ARHGEF28: variants seen among roughly 807,000 people sequenced by gnomAD.
ARHGEF28 encodes the protein 190 kDa guanine nucleotide exchange factor.
Under a neutral mutation model 206.6 loss-of-function variants are expected in ARHGEF28, and 152 were observed. The ratio of observed to expected loss-of-function variants is 0.74; its 90% CI spans 0.64 to 0.84. The LOEUF (loss-of-function observed/expected upper bound fraction) is 0.84. ARHGEF28 is among the 40% of genes least tolerant of loss of function. The pLI is 0.00. For missense variants in ARHGEF28, 2,028 were observed against 2,073.2 expected, an observed-to-expected ratio of 0.98 and a Z score of 0.42; for synonymous variants, 763 against 776.4, an observed-to-expected ratio of 0.98 and a Z score of 0.29.
chr5:73,748,501 C>T (rs1244840232), intron 2 of ARHGEF28, among the ~76,000 whole-genome samples: 1 of 152,138 alleles, frequency 6.6e-6, no homozygotes, highest in African/African-American at 2.4e-5. Flanking sequence ...AAACCCTACA[C>T]CGATTTTGTT....
intron 7 of ARHGEF28, among the ~76,000 whole-genome samples, chr5:73,780,961 G>C (rs1221309723): frequency 6.6e-6 from 1 of 152,174 alleles, no homozygotes; most frequent in African/African-American, 2.4e-5. Context: ...AATGTCCTGA[G>C]TGCTGTTTGC....
chr5:73,809,204 C>CAAAA (rs140757151), intron 9 of ARHGEF28, among the ~76,000 whole-genome samples: 1 of 140,330 alleles, frequency 7.1e-6, no homozygotes, highest in African/African-American at 2.5e-5. Context: ...GACTCTGTCT[C>CAAAA]AAAAAAAAAA....
chr5:73,878,919 C>T lies in ARHGEF28; in HGVS notation c.2815-3553C>T, dbSNP rs146206460. Among the ~76,000 whole-genome samples the T allele has an allele frequency of 2.8e-3, 419 of 152,156 alleles. 11 individuals carry two copies. The East Asian group carries it at 0.072, about 26-fold the overall frequency. On this transcript the variant is annotated intron_variant, in intron 22 of 35. Transcript: ENST00000513042. ...TTATGTGTCTTGGAGTTGGTCTTCT[C>T]GAGGAGTACCTTTGTGGCGTTCTCT... is the stretch of plus-strand genomic sequence containing the variant.
intron 33 of ARHGEF28, among the ~76,000 whole-genome samples, chr5:73,906,785 T>A (rs1762582054): frequency 6.6e-6 from 1 of 150,574 alleles, no homozygotes; most frequent in Admixed American, 6.6e-5. Context: ...TTGTGAATAA[T>A]TTTTTTTTTC....
At chr5:73,692,148 G>A (rs1215753097) in intron 2 of ARHGEF28, among the ~76,000 whole-genome samples, 1 of 152,156 alleles carries the variant, frequency 6.6e-6, no homozygotes, top group African/African-American at 2.4e-5. Context: ...GATTAAGTTG[G>A]TGAAGGGTTA....
chr5:73,926,490 C>A (rs774811853), intron 35 of ARHGEF28, among the ~76,000 whole-genome samples: 2 of 150,900 alleles, frequency 1.3e-5, no homozygotes, highest in Admixed American at 6.6e-5. Flanking sequence ...CCTTTTTCAT[C>A]CCCCCCTACC....
intron 21 of ARHGEF28, among the ~76,000 whole-genome samples, chr5:73,870,483 A>C (rs1377653127): frequency 2.0e-5 from 3 of 152,220 alleles, no homozygotes; most frequent in Non-Finnish European, 4.4e-5. Flanking sequence ...ATGAGGCATA[A>C]TATGTACCTG....
At chr5:73,665,693 A>G (rs1745906850) in intron 1 of ARHGEF28, among the ~76,000 whole-genome samples, 2 of 152,242 alleles carry the variant, frequency 1.3e-5, no homozygotes, top group South Asian at 4.1e-4. Context: ...AAACCCTCTC[A>G]TGATAATAAA....
At chr5:73,794,343 T>C (rs1241030612) in intron 7 of ARHGEF28, 59 bp from the exon 8 acceptor site, 5 of 1,417,776 alleles carry the variant, frequency 3.5e-6, no homozygotes, top group Non-Finnish European at 4.9e-6. Context: ...AGCTAGTAGT[T>C]GTTGTTCTTC....
intron 2 of ARHGEF28, among the ~76,000 whole-genome samples, chr5:73,710,220 A>G (rs1443438649): frequency 1.3e-5 from 2 of 152,172 alleles, no homozygotes; most frequent in Admixed American, 6.5e-5. Flanking sequence ...AGCATGTTGT[A>G]TTATCAGTTG....
chr5:73,756,653 T>C (rs146363317), intron 4 of ARHGEF28, among the ~76,000 whole-genome samples: 1,633 of 152,300 alleles, frequency 0.011, 13 homozygotes, highest in Non-Finnish European at 0.015. Flanking sequence ...CATATATGGA[T>C]ATTGGCTAAG....
At chr5:73,832,770 C>G (rs1322303305) in intron 10 of ARHGEF28, among the ~76,000 whole-genome samples, 2 of 152,132 alleles carry the variant, frequency 1.3e-5, no homozygotes, top group African/African-American at 2.4e-5. Context: ...ACCAATGTCT[C>G]CTCTACAGCT....
intron 31 of ARHGEF28, chr5:73,903,751 G>A (rs1288537762): frequency 1.2e-5 from 2 of 164,066 alleles, no homozygotes; most frequent in Admixed American, 5.8e-5. Context: ...TGCTGTATAT[G>A]TTGATATCGT....
rs560055770 is a variant in ARHGEF28, at chr5:73,838,491, T to C, written c.1147-1989T>C. Among the ~76,000 whole-genome samples, 8 of 152,318 alleles carry C rather than the reference T, an allele frequency of 5.3e-5. No individual in the cohort carries two copies. The South Asian group carries it at 8.3e-4, about 16-fold the overall frequency. On this transcript the variant is annotated intron_variant, in intron 10 of 35. Coordinates refer to ENST00000513042, the MANE Select transcript of ARHGEF28 (RefSeq NM_001177693.2). ...TTGAGAAAATTCACATGATGAAAGTTACTTTGAAAATTTCTGTCATATAAA... is the reference window on the plus strand; with the variant it reads ...TTGAGAAAATTCACATGATGAAAGTCACTTTGAAAATTTCTGTCATATAAA...
At chr5:73,685,516 G>A (rs1000378119) in intron 2 of ARHGEF28, among the ~76,000 whole-genome samples, 7 of 152,206 alleles carry the variant, frequency 4.6e-5, no homozygotes, top group East Asian at 1.9e-4. Flanking sequence ...GGAAGGAACT[G>A]TGTTGGTGTG....
Position 73,883,856 on chromosome 5 carries a change from G to A in ARHGEF28, c.3027G>A (p.Leu1009=), listed in dbSNP as rs1761103421. Residue 1009 remains leucine (L), a synonymous_variant, in exon 24 of 36, where the codon TTG becomes TTA. Coordinates refer to ENST00000513042, the MANE Select transcript of ARHGEF28 (RefSeq NM_001177693.2). The part of the protein sequence containing the change: ...VTQRITKYPV[L]VERILQYTKE... The stretch of plus-strand genomic sequence containing the variant: ...AGCGTATTACAAAATACCCTGTCTT[G>A]GTGGAAAGGATATTGCAGTACACAA... 1.3e-6 allele frequency: 2 copies of A among 1,567,020 alleles called. No individual in the cohort carries two copies. Among genetic ancestry groups the A allele is most frequent in the South Asian group, 1.2e-5 (1 of 83,200 alleles).
chr5:73,737,517 CTTTT>C (rs1751060456), intron 2 of ARHGEF28, among the ~76,000 whole-genome samples: 1 of 114,862 alleles, frequency 8.7e-6, no homozygotes, highest in Non-Finnish European at 1.8e-5. Context: ...CTTTTCTTTT[CTTTT>C]CTTTTTTGTG....
intron 2 of ARHGEF28, among the ~76,000 whole-genome samples, chr5:73,712,420 A>G (rs1183085582): frequency 6.6e-6 from 1 of 152,206 alleles, no homozygotes; most frequent in Non-Finnish European, 1.5e-5. Context: ...GTGAAATTGT[A>G]GAACTCTTGA....
intron 2 of ARHGEF28, among the ~76,000 whole-genome samples, chr5:73,716,531 C>G (rs909044012): frequency 2.0e-5 from 3 of 152,168 alleles, no homozygotes; most frequent in African/African-American, 7.2e-5. Flanking sequence ...CAGGATGACT[C>G]TGTGGCCCTA....
Sources: allele counts gnomAD v4.1 joint callset (sites outside exome capture counted in the v4.1 genomes callset), GRCh38; gene constraint gnomAD v4.1.1; transcripts MANE v1.5; gene names NCBI Gene and HGNC (gene_info 2026-07-23, HGNC 2026-07-21).